DDHD1: variants seen among roughly 807,000 people sequenced by gnomAD.
DDHD1 encodes the protein phospholipase DDHD1.
A neutral mutation model predicts 96.4 loss-of-function variants in DDHD1; 49 were observed. The ratio of observed to expected loss-of-function variants is 0.51; its 90% CI spans 0.40 to 0.64. The LOEUF is 0.64. DDHD1 is among the 30% of genes least tolerant of loss of function. The pLI, the probability that DDHD1 is intolerant of heterozygous loss-of-function variation, is 0.00. For synonymous variants in DDHD1, 442 were observed against 446.5 expected, an observed-to-expected ratio of 0.99 and a Z score of 0.13; for missense variants, 1,106 against 1,161.2, an observed-to-expected ratio of 0.95 and a Z score of 0.69.
chr14:53,077,407 A>T (rs924566449), intron 4 of DDHD1, among the ~76,000 whole-genome samples: 1 of 152,210 alleles, frequency 6.6e-6, no homozygotes, highest in East Asian at 1.9e-4. Flanking sequence ...GTATAACCAA[A>T]TAGTTTCTGC....
At chr14:53,130,442 A>C (rs979683097) in intron 1 of DDHD1, among the ~76,000 whole-genome samples, 13 of 152,210 alleles carry the variant, frequency 8.5e-5, no homozygotes, top group Non-Finnish European at 1.5e-4. Context: ...AGGGGCCAGA[A>C]GTCCGTCTTA....
intron 1 of DDHD1, among the ~76,000 whole-genome samples, chr14:53,150,874 A>G (rs1891296740): frequency 6.6e-6 from 1 of 152,222 alleles, no homozygotes. Flanking sequence ...CCCTGCCTTT[A>G]GTGAGTATAT....
chr14:53,071,731 C>T (rs544465943), intron 6 of DDHD1, among the ~76,000 whole-genome samples: 2 of 152,074 alleles, frequency 1.3e-5, no homozygotes, highest in Non-Finnish European at 1.5e-5. Flanking sequence ...AGTAAAGTGG[C>T]CCCCTGTTAG....
intron 4 of DDHD1, among the ~76,000 whole-genome samples, chr14:53,086,511 GA>G (rs1166737291): frequency 6.6e-6 from 1 of 152,126 alleles, no homozygotes; most frequent in Non-Finnish European, 1.5e-5. Flanking sequence ...CATTCTTAAA[GA>G]AAAGAATTTT....
At chr14:53,087,413 A>G (rs1886070853) in intron 4 of DDHD1, among the ~76,000 whole-genome samples, 1 of 152,176 alleles carries the variant, frequency 6.6e-6, no homozygotes, top group South Asian at 2.1e-4. Context: ...AGTTGGAAGT[A>G]AAGCACTCCT....
chr14:53,055,437 G>T (rs918601594), intron 10 of DDHD1, among the ~76,000 whole-genome samples: 1 of 152,076 alleles, frequency 6.6e-6, no homozygotes. Flanking sequence ...AGCTTTTTCT[G>T]GTCCATCCAG....
intron 1 of DDHD1, among the ~76,000 whole-genome samples, chr14:53,133,115 T>G (rs1433777110): frequency 6.6e-6 from 1 of 152,220 alleles, no homozygotes; most frequent in African/African-American, 2.4e-5. Flanking sequence ...CATGGAAATC[T>G]ATCCTCAGGG....
intron 6 of DDHD1, 46 bp downstream of exon 6, chr14:53,072,551 G>T: frequency 1.8e-6 from 2 of 1,097,624 alleles, no homozygotes; most frequent in South Asian, 1.9e-5. Context: ...ACATTTATAA[G>T]CTATCACTAA....
rs1881967242 is a variant in DDHD1, at chr14:53,045,797, C to G, written c.*971G>C. Reference sequence around the variant, plus strand: ...ATGGCACATTGAGAAACAATGTGCACTAGTTAGTGGCATCACATCCCTTCA... The same window carrying G: ...ATGGCACATTGAGAAACAATGTGCAGTAGTTAGTGGCATCACATCCCTTCA... On this transcript the variant is annotated 3_prime_UTR_variant, in exon 13 of 13. Transcript: ENST00000673822. 6.6e-6 allele frequency: 1 copy of G among 152,142 alleles called. No individual in the cohort carries two copies. Among genetic ancestry groups the G allele is most frequent in the African/African-American group, 2.4e-5 (1 of 41,436 alleles). 9.4% of individuals were successfully genotyped at this position (152,142 alleles called of 1,614,324 possible).
At chr14:53,102,848 T>A (rs1887409889) in intron 2 of DDHD1, among the ~76,000 whole-genome samples, 1 of 152,006 alleles carries the variant, frequency 6.6e-6, no homozygotes, top group South Asian at 2.1e-4. Flanking sequence ...ATTGAGTTTT[T>A]CTGCTTTAGA....
chr14:53,088,144 C>A (rs867702202), intron 4 of DDHD1, among the ~76,000 whole-genome samples: 1 of 152,042 alleles, frequency 6.6e-6, no homozygotes, highest in Non-Finnish European at 1.5e-5. Context: ...CTGAATAGAC[C>A]AATAATAGGC....
At chr14:53,066,986 C>T (rs144623183) in intron 6 of DDHD1, among the ~76,000 whole-genome samples, 193 of 150,496 alleles carry the variant, frequency 1.3e-3, no homozygotes, top group African/African-American at 4.5e-3. Context: ...GTTTGCCCAC[C>T]TCTCACTTAG....
chr14:53,139,256 A>G (rs533810669), intron 1 of DDHD1, among the ~76,000 whole-genome samples: 1 of 152,184 alleles, frequency 6.6e-6, no homozygotes, highest in East Asian at 1.9e-4. Context: ...GCAGAACCAG[A>G]ACAACAGAGA....
intron 1 of DDHD1, among the ~76,000 whole-genome samples, chr14:53,131,320 C>A (rs1889849284): frequency 6.6e-6 from 1 of 152,148 alleles, no homozygotes; most frequent in African/African-American, 2.4e-5. Context: ...CCATGGCAAC[C>A]AATCACATGC....
intron 6 of DDHD1, among the ~76,000 whole-genome samples, chr14:53,064,919 T>C (rs900529149): frequency 6.6e-6 from 1 of 152,172 alleles, no homozygotes; most frequent in Non-Finnish European, 1.5e-5. Context: ...TTACTCTAAT[T>C]GGAATTTTTT....
At chr14:53,111,178 G>A (rs548093558) in intron 1 of DDHD1, among the ~76,000 whole-genome samples, 4 of 152,112 alleles carry the variant, frequency 2.6e-5, no homozygotes, top group South Asian at 4.1e-4. Context: ...TTATGTGGCC[G>A]GGCGCGGTGG....
intron 6 of DDHD1, among the ~76,000 whole-genome samples, chr14:53,063,849 T>C (rs1250296909): frequency 2.0e-5 from 3 of 152,102 alleles, no homozygotes; most frequent in Non-Finnish European, 4.4e-5. Flanking sequence ...AGGTTAATAA[T>C]GTGGGGAGTA....
chr14:53,125,836 G>T (rs1321026306), intron 1 of DDHD1, among the ~76,000 whole-genome samples: 1 of 151,826 alleles, frequency 6.6e-6, no homozygotes, highest in Non-Finnish European at 1.5e-5. Context: ...CGAGTAGCTG[G>T]GATTACAGGT....
Position 53,118,610 on chromosome 14 carries a change from G to GA in DDHD1, c.839-14755dup, listed in dbSNP as rs547492514. Among the ~76,000 whole-genome samples, 181 of 152,150 alleles carry GA rather than the reference G, an allele frequency of 1.2e-3. 2 individuals are homozygous for GA. Among genetic ancestry groups the GA allele is most frequent in the African/African-American group, 3.9e-3 (162 of 41,520 alleles). Reference sequence around the variant, plus strand: ...AATAAAACAAGAAGAGAAGTTTAGAGAAAAAAGAGTAAAAAGAAACAAACA... The same window carrying GA: ...AATAAAACAAGAAGAGAAGTTTAGAGAAAAAAAGAGTAAAAAGAAACAAACA... On this transcript the variant is annotated intron_variant, in intron 1 of 12. Transcript: ENST00000673822.
Sources: gnomAD v4.1 joint callset for allele counts (sites outside exome capture counted in the v4.1 genomes callset) on GRCh38, gnomAD v4.1.1 for gene constraint, MANE v1.5 for transcripts, NCBI Gene and HGNC (gene_info 2026-07-23, HGNC 2026-07-21) for gene names.